SWT1: variants seen among roughly 807,000 people sequenced by gnomAD.
The protein encoded by SWT1 is SWT1 RNA endoribonuclease homolog, also known as transcriptional protein SWT1.
In SWT1, 33 loss-of-function variants were observed where a neutral mutation model predicts 107.3. The ratio of observed to expected loss-of-function variants is 0.31; its 90% CI spans 0.23 to 0.41. SWT1 has a LOEUF of 0.41. Among genes scored for constraint, SWT1 ranks in the 10% least tolerant of loss-of-function variants. The pLI is 1.00. For missense variants in SWT1, 898 were observed against 1,028.9 expected, an observed-to-expected ratio of 0.87 and a Z score of 1.74; for synonymous variants, 345 against 348.3, an observed-to-expected ratio of 0.99 and a Z score of 0.11.
chr1:185,221,560 C>G (rs546417988), intron 14 of SWT1, among the ~76,000 whole-genome samples: 1 of 152,088 alleles, frequency 6.6e-6, no homozygotes, highest in African/African-American at 2.4e-5. Flanking sequence ...CTATCTCTTT[C>G]AGTACTGCAT....
intron 10 of SWT1, among the ~76,000 whole-genome samples, chr1:185,197,443 C>T (rs1464842978): frequency 2.0e-5 from 3 of 152,100 alleles, no homozygotes; most frequent in African/African-American, 7.2e-5. Context: ...TGCATCTCTG[C>T]CAGGTTTTGG....
At chr1:185,179,676 G>C (rs1386018538) in intron 5 of SWT1, among the ~76,000 whole-genome samples, 1 of 152,108 alleles carries the variant, frequency 6.6e-6, no homozygotes, top group Non-Finnish European at 1.5e-5. Context: ...AGGCCAACTT[G>C]TTTACCTTTG....
intron 18 of SWT1, among the ~76,000 whole-genome samples, chr1:185,278,284 A>G (rs1462089421): frequency 6.6e-6 from 1 of 152,232 alleles, no homozygotes; most frequent in Non-Finnish European, 1.5e-5. Context: ...CCTTTATAAA[A>G]GAGACTGCAG....
intron 17 of SWT1, among the ~76,000 whole-genome samples, chr1:185,274,207 AAAT>A (rs1664080276): frequency 1.3e-5 from 2 of 150,514 alleles, no homozygotes; most frequent in Non-Finnish European, 3.0e-5. Flanking sequence ...AAAAATTAAA[AAAT>A]AAGAATATGT....
intron 15 of SWT1, among the ~76,000 whole-genome samples, chr1:185,227,923 CT>C (rs1385184349): frequency 2.0e-5 from 3 of 148,248 alleles, no homozygotes; most frequent in African/African-American, 7.5e-5. Context: ...GACTTTGTCT[CT>C]ACAAAAAAAA....
chr1:185,178,109 TAAA>T (rs1017988273), intron 5 of SWT1, among the ~76,000 whole-genome samples: 13 of 152,154 alleles, frequency 8.5e-5, no homozygotes. Context: ...CCGGGTGAGT[TAAA>T]GAAGGGCTCA....
At chr1:185,202,591 T>G in intron 10 of SWT1, 63 bp from the exon 11 acceptor site, 1 of 1,418,928 alleles carries the variant, frequency 7.0e-7, no homozygotes, top group Non-Finnish European at 9.8e-7. Flanking sequence ...GTGTTTTGAT[T>G]TGCCATGTGG....
chr1:185,188,044 C>A (rs891932442), intron 9 of SWT1, among the ~76,000 whole-genome samples: 1 of 152,156 alleles, frequency 6.6e-6, no homozygotes, highest in African/African-American at 2.4e-5. Flanking sequence ...TTCACTATTG[C>A]CATACACTGG....
chr1:185,206,800 A>G lies in SWT1; in HGVS notation c.1972+37A>G, dbSNP rs749717761. Reference sequence around the variant, plus strand: ...TTATTTTTCTCTTTAGCAGTGTTGTATTAAGTCAGACTAGCAGATATATTT... The same window carrying G: ...TTATTTTTCTCTTTAGCAGTGTTGTGTTAAGTCAGACTAGCAGATATATTT... On this transcript the variant is annotated intron_variant, in intron 13 of 18. Coordinates refer to ENST00000367500, the MANE Select transcript of SWT1 (RefSeq NM_017673.7). 9.7e-6 allele frequency: 14 copies of G among 1,445,706 alleles called. No homozygotes were observed. In the South Asian group the frequency reaches 1.7e-4, roughly 17 times the overall value. The allele number at this position is 1,445,706 out of a possible 1,614,324, so 89.6% of individuals were successfully genotyped here.
At chr1:185,210,696 G>A (rs182994589) in intron 13 of SWT1, among the ~76,000 whole-genome samples, 181 of 152,116 alleles carry the variant, frequency 1.2e-3, no homozygotes, top group African/African-American at 3.6e-3. Flanking sequence ...GTTCTGGCCC[G>A]GGCACTCAGA....
rs577543891 is a variant in SWT1, at chr1:185,280,531, G to A, written c.2573+3863G>A. Among the ~76,000 whole-genome samples, 21 of 152,082 alleles carry A rather than the reference G, an allele frequency of 1.4e-4. No homozygotes were observed. The South Asian group carries it at 4.0e-3, about 29-fold the overall frequency. ...GAATTTCCTAGGTGATAGGAGCATC[G>A]TTTGCTCTAATGAGGCAACTCTTGG... On this transcript the variant is annotated intron_variant, in intron 18 of 18. Transcript: ENST00000367500.
At chr1:185,215,107 AC>A (rs1659114889) in intron 14 of SWT1, among the ~76,000 whole-genome samples, 3 of 152,178 alleles carry the variant, frequency 2.0e-5, no homozygotes, top group Non-Finnish European at 4.4e-5. Context: ...ATAATTTCAA[AC>A]TTATAAAATG....
chr1:185,274,134 T>C (rs1231553153), intron 17 of SWT1, among the ~76,000 whole-genome samples: 2 of 151,974 alleles, frequency 1.3e-5, no homozygotes, highest in Admixed American at 6.6e-5. Context: ...TTATTAATTA[T>C]AAGAATATGT....
chr1:185,285,695 T>C (rs1664905884), intron 18 of SWT1, among the ~76,000 whole-genome samples: 2 of 152,232 alleles, frequency 1.3e-5, no homozygotes, highest in Admixed American at 1.3e-4. Flanking sequence ...TGATCCATTT[T>C]GAGTTAATTT....
intron 10 of SWT1, 35 bp from the exon 11 acceptor site, chr1:185,202,619 A>AT (rs749287599): frequency 1.9e-6 from 3 of 1,585,958 alleles, no homozygotes; most frequent in Non-Finnish European, 2.6e-6. Context: ...TATAAAAAAT[A>AT]TTTTTTCCTC....
chr1:185,281,891 T>C (rs1664646993), intron 18 of SWT1: 1 of 152,350 alleles, frequency 6.6e-6, no homozygotes, highest in Non-Finnish European at 1.5e-5. Context: ...AGGTTCTTGC[T>C]TGCTTTTAGT....
At chr1:185,191,321 A>C (rs1656930354) in intron 10 of SWT1, among the ~76,000 whole-genome samples, 1 of 152,188 alleles carries the variant, frequency 6.6e-6, no homozygotes, top group South Asian at 2.1e-4. Context: ...AATGCTAAAC[A>C]AAATTTTATT....
chr1:185,171,657 C>A (rs1046129482), intron 4 of SWT1: 2 of 527,142 alleles, frequency 3.8e-6, no homozygotes, highest in African/African-American at 1.9e-5. Flanking sequence ...AACTTCAGAA[C>A]CTGCTTCTTT....
intron 10 of SWT1, among the ~76,000 whole-genome samples, chr1:185,198,032 G>A (rs1231244071): frequency 6.6e-6 from 1 of 151,776 alleles, no homozygotes; most frequent in Admixed American, 6.6e-5. Flanking sequence ...GTGATGTTAG[G>A]GTGTCAATTT....
Sources: allele counts gnomAD v4.1 joint callset (sites outside exome capture counted in the v4.1 genomes callset), GRCh38; gene constraint gnomAD v4.1.1; transcripts MANE v1.5; gene names NCBI Gene and HGNC (gene_info 2026-07-23, HGNC 2026-07-21).